RBM46: variants seen among roughly 807,000 people sequenced by gnomAD.
RBM46 encodes RNA binding motif protein 46, also known as probable RNA-binding protein 46.
In RBM46, 12 loss-of-function variants were observed where a neutral mutation model predicts 43.3. The ratio of observed to expected loss-of-function variants is 0.28; its 90% CI spans 0.18 to 0.45. RBM46 has a LOEUF of 0.45. Among genes scored for constraint, RBM46 ranks in the 20% least tolerant of loss-of-function variants. The pLI is 1.00. For synonymous variants in RBM46, 205 were observed against 207.6 expected (o/e 0.99, Z 0.11); for missense variants, 412 against 639.1 (o/e 0.64, Z 3.83).
At chr4:154,805,028 G>A (rs975372766) in intron 4 of RBM46, among the ~76,000 whole-genome samples, 16 of 152,190 alleles carry the variant, frequency 1.1e-4, no homozygotes, top group African/African-American at 3.6e-4. Context: ...GACCTCAGTT[G>A]TAAACCCTTT....
chr4:154,799,634 CATTT>C (rs998412783), intron 4 of RBM46, 70 bp downstream of exon 4: 1 of 1,137,614 alleles, frequency 8.8e-7, no homozygotes, highest in African/African-American at 1.6e-5. Flanking sequence ...TTTTTAAATT[CATTT>C]ATTTTGAACT....
At chr4:154,791,991 A>G (rs1391499732) in intron 1 of RBM46, among the ~76,000 whole-genome samples, 2 of 152,182 alleles carry the variant, frequency 1.3e-5, no homozygotes, top group Non-Finnish European at 2.9e-5. Context: ...TTGTGAAAAA[A>G]ATCTGGATTC....
intron 1 of RBM46, among the ~76,000 whole-genome samples, chr4:154,791,421 C>T (rs547103860): frequency 2.6e-5 from 4 of 152,234 alleles, no homozygotes; most frequent in Non-Finnish European, 5.9e-5. Flanking sequence ...CTTTGAGAGG[C>T]CAAGGCGGTG....
chr4:154,812,172 G>A (rs1298400194), intron 4 of RBM46, among the ~76,000 whole-genome samples: 2 of 151,934 alleles, frequency 1.3e-5, no homozygotes, highest in Non-Finnish European at 2.9e-5. Context: ...TAAACATTTG[G>A]TAACAGACAG....
At chr4:154,793,560 T>C (rs1734203663) in intron 1 of RBM46, among the ~76,000 whole-genome samples, 2 of 152,190 alleles carry the variant, frequency 1.3e-5, no homozygotes, top group Non-Finnish European at 2.9e-5. Context: ...CCAAAGACTG[T>C]GGTGGGTACT....
chr4:154,825,610 G>T (rs1380733022), intron 4 of RBM46, among the ~76,000 whole-genome samples: 2 of 151,956 alleles, frequency 1.3e-5, no homozygotes, highest in Non-Finnish European at 2.9e-5. Flanking sequence ...ATTTAATTTA[G>T]TCTCCTTGAA....
chr4:154,805,692 A>C (rs1734874584), intron 4 of RBM46, among the ~76,000 whole-genome samples: 1 of 151,980 alleles, frequency 6.6e-6, no homozygotes, highest in Non-Finnish European at 1.5e-5. Flanking sequence ...ATGGGCAGAA[A>C]TGCAAAAATA....
intron 1 of RBM46, among the ~76,000 whole-genome samples, chr4:154,783,999 CTCCATTGACCTGGCA>C (rs1733635205): frequency 6.6e-6 from 1 of 152,094 alleles, no homozygotes; most frequent in Admixed American, 6.5e-5. Flanking sequence ...AACAGAAAAC[CTCCATTGACCTGGCA>C]ACCATTGACC....
intron 4 of RBM46, chr4:154,827,501 T>G: frequency 3.9e-6 from 4 of 1,013,428 alleles, no homozygotes; most frequent in Non-Finnish European, 4.7e-6. Context: ...TCACTGTTTT[T>G]TATCTTTTCT....
intron 4 of RBM46, among the ~76,000 whole-genome samples, chr4:154,824,395 G>C (rs572056531): frequency 6.6e-6 from 1 of 152,124 alleles, no homozygotes; most frequent in East Asian, 1.9e-4. Flanking sequence ...CAAAAGATTT[G>C]TATAAAAGTG....
At chr4:154,815,735 A>C (rs1192468807) in intron 4 of RBM46, among the ~76,000 whole-genome samples, 1 of 151,964 alleles carries the variant, frequency 6.6e-6, no homozygotes, top group Non-Finnish European at 1.5e-5. Flanking sequence ...TCTATGACTT[A>C]CCTGTTTATT....
intron 4 of RBM46, among the ~76,000 whole-genome samples, chr4:154,810,414 T>C (rs1458945250): frequency 6.6e-6 from 1 of 152,128 alleles, no homozygotes; most frequent in African/African-American, 2.4e-5. Flanking sequence ...CCATAATATG[T>C]AATAGGACAG....
At position 154,796,229 on chromosome 4, in the gene RBM46, A is replaced by G. The variant is rs1734343976; in HGVS notation, c.-11-513A>G. On this transcript the variant is annotated intron_variant, in intron 1 of 4. Transcript: ENST00000281722. ...TTAGTGACTGATGAGCTGTGCATCAAAGGACTCTGGGATAACACCCAGATT... is the reference window on the plus strand; with the variant it reads ...TTAGTGACTGATGAGCTGTGCATCAGAGGACTCTGGGATAACACCCAGATT... Among the ~76,000 whole-genome samples the G allele has an allele frequency of 2.6e-5, 4 of 152,208 alleles. No individual in the cohort carries two copies. The South Asian group carries it at 8.3e-4, about 32-fold the overall frequency.
At chr4:154,809,156 C>G (rs1735057363) in intron 4 of RBM46, among the ~76,000 whole-genome samples, 1 of 151,878 alleles carries the variant, frequency 6.6e-6, no homozygotes, top group Non-Finnish European at 1.5e-5. Flanking sequence ...CTAAAACTCA[C>G]TTTTATTGAT....
intron 4 of RBM46, chr4:154,827,602 C>G: frequency 8.4e-7 from 1 of 1,187,664 alleles, no homozygotes; most frequent in Non-Finnish European, 1.0e-6. Context: ...ATCAAAACTC[C>G]AAGAAATAGT....
chr4:154,797,476 T>C (rs1056306618), intron 2 of RBM46, among the ~76,000 whole-genome samples: 6 of 152,150 alleles, frequency 3.9e-5, no homozygotes, highest in African/African-American at 1.4e-4. Flanking sequence ...AGCGCTTGCT[T>C]TTTCTTCTTT....
In RBM46 at chr4:154,824,198, G is replaced by T. The variant is rs111288366; in HGVS notation, c.1403-3670G>T. Among the ~76,000 whole-genome samples the T allele has an allele frequency of 3.7e-3, 569 of 151,990 alleles. 5 individuals carry two copies. Among genetic ancestry groups the T allele is most frequent in the African/African-American group, 0.013 (548 of 41,536 alleles). On this transcript the variant is annotated intron_variant, in intron 4 of 4. Coordinates refer to ENST00000281722, the MANE Select transcript of RBM46 (RefSeq NM_144979.5). ...GAGCTGAAATGAGAGGTTGGAATGGGTATGATTAAAATTGCTGGCAGTACC... is the reference window on the plus strand; with the variant it reads ...GAGCTGAAATGAGAGGTTGGAATGGTTATGATTAAAATTGCTGGCAGTACC...
intron 4 of RBM46, among the ~76,000 whole-genome samples, chr4:154,811,383 G>C (rs552126619): frequency 6.6e-6 from 1 of 152,000 alleles, no homozygotes. Context: ...TTGTAAAATA[G>C]GAATGATGAT....
At chr4:154,808,399 T>C (rs1735014104) in intron 4 of RBM46, among the ~76,000 whole-genome samples, 1 of 152,032 alleles carries the variant, frequency 6.6e-6, no homozygotes, top group Non-Finnish European at 1.5e-5. Flanking sequence ...TTTTCTTTAA[T>C]CCTGTTTTGT....
Sources: allele counts gnomAD v4.1 joint callset (sites outside exome capture counted in the v4.1 genomes callset), GRCh38; gene constraint gnomAD v4.1.1; transcripts MANE v1.5; gene names NCBI Gene and HGNC (gene_info 2026-07-23, HGNC 2026-07-21).